MAF: variants seen among roughly 807,000 people sequenced by gnomAD.
The protein encoded by MAF is MAF bZIP transcription factor.
A neutral mutation model predicts 22.0 loss-of-function variants in MAF; 10 were observed. The ratio of observed to expected loss-of-function variants is 0.45; its 90% CI spans 0.28 to 0.77. MAF has a LOEUF of 0.77. Among genes scored for constraint, MAF ranks in the 30% least tolerant of loss-of-function variants. The pLI is 0.12. For missense variants in MAF, 544 were observed against 548.4 expected (o/e 0.99, Z 0.08); for synonymous variants, 337 against 255.8 (o/e 1.32, Z -3.03).
the MAF span, among the ~76,000 whole-genome samples, chr16:79,499,260 G>T: frequency 1.3e-5 from 2 of 152,128 alleles, no homozygotes; most frequent in African/African-American, 4.8e-5. Context: ...AGGTCAAGTT[G>T]GATCTGTTCC....
chr16:79,586,371 T>C (rs11863053), intron 1 of MAF, among the ~76,000 whole-genome samples: 9,946 of 152,132 alleles, frequency 0.065, 453 homozygotes, highest in Middle Eastern at 0.13. Flanking sequence ...CTGGCCCAGC[T>C]TCTGCCGGTG....
chr16:79,480,036 T>G, the MAF span, among the ~76,000 whole-genome samples: 1 of 152,146 alleles, frequency 6.6e-6, no homozygotes, highest in African/African-American at 2.4e-5. Context: ...AGACACCCAT[T>G]CTACTCTCTC....
At chr16:79,425,056 C>T in the MAF span, among the ~76,000 whole-genome samples, 1 of 152,118 alleles carries the variant, frequency 6.6e-6, no homozygotes, top group Non-Finnish European at 1.5e-5. Flanking sequence ...ACATACTCTA[C>T]ACAATTTTTA....
the MAF span, among the ~76,000 whole-genome samples, chr16:79,408,269 C>T: frequency 4.6e-5 from 7 of 152,032 alleles, no homozygotes; most frequent in South Asian, 2.1e-4. Flanking sequence ...TGCCACCTCC[C>T]GGGTTTAAGA....
At chr16:79,490,616 AC>A in the MAF span, among the ~76,000 whole-genome samples, 2 of 64,370 alleles carry the variant, frequency 3.1e-5, no homozygotes, top group Non-Finnish European at 4.5e-5. Context: ...ACATACACAG[AC>A]ACACACACTC....
the MAF span, among the ~76,000 whole-genome samples, chr16:79,506,574 G>A: frequency 1.3e-5 from 2 of 152,206 alleles, no homozygotes; most frequent in South Asian, 2.1e-4. Context: ...AAAGGAAGAC[G>A]GTGAAGTGTA....
the MAF span, among the ~76,000 whole-genome samples, chr16:79,388,952 T>C: frequency 4.6e-5 from 7 of 152,232 alleles, no homozygotes; most frequent in African/African-American, 1.2e-4. Flanking sequence ...ACTGGTTTTA[T>C]TACCTAGTCT....
At chr16:79,354,788 T>C in the MAF span, among the ~76,000 whole-genome samples, 1 of 152,092 alleles carries the variant, frequency 6.6e-6, no homozygotes, top group Non-Finnish European at 1.5e-5. Flanking sequence ...CCCAGAACCA[T>C]GGAAATGATA....
the MAF span, among the ~76,000 whole-genome samples, chr16:79,432,188 C>A: frequency 6.6e-6 from 1 of 152,144 alleles, no homozygotes; most frequent in Non-Finnish European, 1.5e-5. Flanking sequence ...GTTTTAGAAG[C>A]ATCTGGCATT....
chr16:79,376,982 A>G, the MAF span, among the ~76,000 whole-genome samples: 51 of 152,336 alleles, frequency 3.3e-4, no homozygotes, highest in Admixed American at 9.1e-4. Flanking sequence ...CACAATAAAC[A>G]TACGTGTGCA....
chr16:79,306,768 A>G, the MAF span, among the ~76,000 whole-genome samples: 56 of 152,270 alleles, frequency 3.7e-4, no homozygotes, highest in Non-Finnish European at 7.5e-4. Context: ...TCACTCTTCA[A>G]CATAAAGTAG....
chr16:79,531,510 G>A, the MAF span, among the ~76,000 whole-genome samples: 175 of 152,170 alleles, frequency 1.2e-3, 1 homozygote, highest in African/African-American at 4.0e-3. Flanking sequence ...TGTAGAAACA[G>A]TGGGAGAGCT....
chr16:79,214,754 C>G, the MAF span, among the ~76,000 whole-genome samples: 5 of 121,004 alleles, frequency 4.1e-5, 1 homozygote, highest in Non-Finnish European at 8.2e-5. Context: ...ACTCTGTTGC[C>G]CAGTCTAGAG....
chr16:79,385,414 CT>C, the MAF span, among the ~76,000 whole-genome samples: 3 of 151,978 alleles, frequency 2.0e-5, no homozygotes, highest in Non-Finnish European at 4.4e-5. Flanking sequence ...TAAAATTATG[CT>C]TTTTTTTCAT....
the MAF span, among the ~76,000 whole-genome samples, chr16:79,376,770 T>C: frequency 6.6e-6 from 1 of 152,082 alleles, no homozygotes; most frequent in South Asian, 2.1e-4. Context: ...TGAGAACACG[T>C]GGTGTTTGTT....
chr16:79,362,947 T>C, the MAF span, among the ~76,000 whole-genome samples: 1 of 152,346 alleles, frequency 6.6e-6, no homozygotes, highest in Admixed American at 6.5e-5. Flanking sequence ...AAGCTTCTTT[T>C]ATGATTAACT....
the MAF span, among the ~76,000 whole-genome samples, chr16:79,374,944 T>G: frequency 2.0e-5 from 3 of 152,210 alleles, no homozygotes; most frequent in African/African-American, 7.2e-5. Context: ...TTTTCATGTG[T>G]GCATATGTGT....
At chr16:79,545,803 G>A in the MAF span, among the ~76,000 whole-genome samples, 37 of 152,018 alleles carry the variant, frequency 2.4e-4, no homozygotes, top group South Asian at 1.5e-3. Context: ...TAGAGAGGAG[G>A]AATAAGTCCA....
At chr16:79,218,149 A>G in the MAF span, among the ~76,000 whole-genome samples, 3 of 152,166 alleles carry the variant, frequency 2.0e-5, no homozygotes, top group South Asian at 6.2e-4. Context: ...ATCACTGAAC[A>G]AACAGCTCTG....
Sources: allele counts gnomAD v4.1 joint callset (sites outside exome capture counted in the v4.1 genomes callset), GRCh38; gene constraint gnomAD v4.1.1; transcripts MANE v1.5; gene names NCBI Gene and HGNC (gene_info 2026-07-23, HGNC 2026-07-21).